Variants in KMT2E observed in about 807,000 individuals in gnomAD.
KMT2E encodes the protein histone reader KMT2E.
A neutral mutation model predicts 184.6 loss-of-function variants in KMT2E; 30 were observed. The ratio of observed to expected loss-of-function variants is 0.16; its 90% CI spans 0.12 to 0.22. The LOEUF is 0.22. Ranked by LOEUF, KMT2E falls within the 10% of genes least tolerant of loss-of-function variation. The pLI is 1.00. For missense variants in KMT2E, 2,023 were observed against 2,237.4 expected, an observed-to-expected ratio of 0.90 and a Z score of 1.93; for synonymous variants, 815 against 776.5, an observed-to-expected ratio of 1.05 and a Z score of -0.82.
chr7:105,027,934 A>G (rs1043228773), intron 1 of KMT2E, among the ~76,000 whole-genome samples: 1 of 152,138 alleles, frequency 6.6e-6, no homozygotes, highest in Non-Finnish European at 1.5e-5. Flanking sequence ...AAATATTAAG[A>G]TAATTATTCA....
At chr7:105,054,479 TC>T (rs1166572738) in intron 3 of KMT2E, among the ~76,000 whole-genome samples, 24 of 150,040 alleles carry the variant, frequency 1.6e-4, no homozygotes, top group African/African-American at 5.6e-4. Context: ...TATCTATCTA[TC>T]TATCTATCTA....
chr7:105,066,678 A>T, intron 5 of KMT2E, 49 bp from the exon 6 acceptor site: 1 of 1,402,756 alleles, frequency 7.1e-7, no homozygotes, highest in Non-Finnish European at 1.0e-6. Flanking sequence ...ATCTTAATTT[A>T]AGGATGACTT....
chr7:105,041,674 C>T (rs1795888378), intron 3 of KMT2E, among the ~76,000 whole-genome samples: 1 of 152,226 alleles, frequency 6.6e-6, no homozygotes, highest in African/African-American at 2.4e-5. Flanking sequence ...GTTGGGATTA[C>T]AGGCATGAAC....
At chr7:105,108,896 AAAAC>A in intron 22 of KMT2E, 42 bp from the exon 23 acceptor site, 1 of 1,501,292 alleles carries the variant, frequency 6.7e-7, no homozygotes, top group Non-Finnish European at 9.0e-7. Context: ...TCTGACATAA[AAAAC>A]AAGAATAAAA....
chr7:105,112,121 GCCTCACACA>G lies in KMT2E; in HGVS notation c.4369_4377del (p.His1457_Pro1459del), dbSNP rs757018807. 1.2e-6 allele frequency: 2 copies of G among 1,613,996 alleles called. No individual in the cohort carries two copies. The highest frequency in any genetic ancestry group is 2.2e-5 in the South Asian group (2 of 91,064). On this transcript the variant is annotated inframe_deletion, in exon 27 of 27. Coordinates refer to ENST00000311117, the MANE Select transcript of KMT2E (RefSeq NM_182931.3). Reference sequence around the variant, plus strand: ...TAGAAAATCCTCCAAAGTCATCCACGCCTCACACACCTGTACAGCATGGTTATCTTTCAC... The same window carrying G: ...TAGAAAATCCTCCAAAGTCATCCACGCCTGTACAGCATGGTTATCTTTCAC...
At chr7:105,020,957 T>A (rs67753165) in intron 1 of KMT2E, among the ~76,000 whole-genome samples, 4,563 of 152,308 alleles carry the variant, frequency 0.03, 180 homozygotes, top group East Asian at 0.18. Context: ...AATATTTTTG[T>A]TTTCTTATTT....
chr7:105,035,820 A>G (rs1030349146), intron 1 of KMT2E, among the ~76,000 whole-genome samples: 3 of 152,096 alleles, frequency 2.0e-5, no homozygotes, highest in East Asian at 3.9e-4. Context: ...TGGCCTCCCA[A>G]AGTGCTGGGA....
intron 1 of KMT2E, among the ~76,000 whole-genome samples, chr7:105,031,436 C>T (rs1460285622): frequency 1.3e-5 from 2 of 151,064 alleles, no homozygotes; most frequent in African/African-American, 4.9e-5. Flanking sequence ...TAATCAAAAA[C>T]CTGCTCTTAT....
intron 1 of KMT2E, among the ~76,000 whole-genome samples, chr7:105,019,083 A>C (rs1195616128): frequency 6.6e-6 from 1 of 152,188 alleles, no homozygotes; most frequent in East Asian, 1.9e-4. Context: ...ATTATGATGC[A>C]AACAAATTGT....
At chr7:105,069,714 A>G (rs1020997892) in intron 6 of KMT2E, among the ~76,000 whole-genome samples, 1 of 152,222 alleles carries the variant, frequency 6.6e-6, no homozygotes, top group Non-Finnish European at 1.5e-5. Flanking sequence ...AACATCTTGC[A>G]TAACTATTAA....
chr7:105,043,487 C>T lies in KMT2E; in HGVS notation c.71+2464C>T, dbSNP rs894895695. Among the ~76,000 whole-genome samples the T allele has an allele frequency of 3.4e-4, 51 of 152,140 alleles. No homozygotes were observed. The South Asian group carries it at 7.3e-3, about 22-fold the overall frequency. ...TCCTGACCTCGTGATCCACCCGCCT[C>T]GGCCTCCCAAAGTGCTGGGATTACA... is the stretch of plus-strand genomic sequence containing the variant. On this transcript the variant is annotated intron_variant, in intron 3 of 26. Transcript: ENST00000311117.
intron 17 of KMT2E, 105 bp downstream of exon 17, chr7:105,102,299 C>A: frequency 2.3e-6 from 2 of 858,924 alleles, no homozygotes; most frequent in Non-Finnish European, 3.4e-6. Context: ...TAATAAGAGG[C>A]AGTTTTTATA....
At position 105,014,290 on chromosome 7, in the gene KMT2E, T is replaced by TA. The variant is rs1794615769; in HGVS notation, c.-433dup. 1 of 159,716 alleles carries TA rather than the reference T, an allele frequency of 6.3e-6. No individual in the cohort carries two copies. Among genetic ancestry groups the TA allele is most frequent in the Admixed American group, 6.5e-5 (1 of 15,392 alleles). The allele number at this position is 159,716 out of a possible 1,614,324, so 9.9% of individuals were successfully genotyped here. On this transcript the variant is annotated 5_prime_UTR_variant, in exon 1 of 27. Coordinates refer to ENST00000311117, the MANE Select transcript of KMT2E (RefSeq NM_182931.3). Reference sequence around the variant, plus strand: ...TTCGGGAGCGGCAACAGAGTGGGCATAGACACTCCGAGCAGCCTCGCCGTC... The same window carrying TA: ...TTCGGGAGCGGCAACAGAGTGGGCATAAGACACTCCGAGCAGCCTCGCCGTC...
At chr7:105,091,623 GT>G in intron 15 of KMT2E, 1 of 447,412 alleles carries the variant, frequency 2.2e-6, no homozygotes, top group Non-Finnish European at 3.9e-6. Context: ...TGTTCAGAAT[GT>G]CTTTTATTAG....
intron 16 of KMT2E, 141 bp from the exon 17 acceptor site, chr7:105,101,745 T>A: frequency 1.1e-6 from 1 of 944,616 alleles, no homozygotes; most frequent in Non-Finnish European, 1.5e-6. Context: ...GATAAAAGAC[T>A]ATATATTATC....
chr7:105,061,023 T>C (rs1796794318), intron 3 of KMT2E, among the ~76,000 whole-genome samples: 1 of 152,190 alleles, frequency 6.6e-6, no homozygotes, highest in Non-Finnish European at 1.5e-5. Flanking sequence ...ATTCAGAACA[T>C]AATGGAGACT....
chr7:105,040,981 A>G lies in KMT2E; in HGVS notation c.29A>G (p.Asp10Gly), dbSNP rs140507140. 2 of 1,612,586 alleles carry G rather than the reference A, an allele frequency of 1.2e-6. No individual in the cohort carries two copies. The highest frequency in any genetic ancestry group is 2.7e-5 in the African/African-American group (2 of 74,538). The change falls in exon 3 of 27, where the codon GAT (aspartate) becomes GGT (glycine). Residue 10 changes from aspartate to glycine, a missense_variant. Physicochemically the swap from Asp to Gly is moderately conservative, Grantham distance 94. Coordinates refer to ENST00000311117, the MANE Select transcript of KMT2E (RefSeq NM_182931.3). ...AGCATAGTGATCCCATTGGGGGTTG[A>G]TACAGCAGAGACGTCATACTTGGAA... The part of the protein sequence containing the change: MSIVIPLGV[D>G]TAETSYLEMA...
At chr7:105,034,546 G>A (rs1358733863) in intron 1 of KMT2E, among the ~76,000 whole-genome samples, 2 of 151,742 alleles carry the variant, frequency 1.3e-5, no homozygotes, top group East Asian at 3.9e-4. Context: ...CCAGAATATT[G>A]ACATTGATAC....
chr7:105,102,796 T>C (rs914365428), intron 17 of KMT2E: 1 of 152,638 alleles, frequency 6.6e-6, no homozygotes, highest in African/African-American at 2.4e-5. Flanking sequence ...GTAATCCTTA[T>C]GCTGTTTAGG....
Sources: gnomAD v4.1 joint callset for allele counts (sites outside exome capture counted in the v4.1 genomes callset) on GRCh38, gnomAD v4.1.1 for gene constraint, MANE v1.5 for transcripts, NCBI Gene and HGNC (gene_info 2026-07-23, HGNC 2026-07-21) for gene names.